JPH3: variants seen among roughly 807,000 people sequenced by gnomAD.
JPH3 encodes junctophilin 3, also known as junctophilin-3.
Under a neutral mutation model 59.6 loss-of-function variants are expected in JPH3, and 11 were observed. The ratio of observed to expected loss-of-function variants is 0.18; its 90% CI spans 0.12 to 0.31. The LOEUF (loss-of-function observed/expected upper bound fraction) is 0.31, where lower values mean the gene tolerates loss of function less well. Ranked by LOEUF, JPH3 falls within the 10% of genes least tolerant of loss-of-function variation. The pLI is 1.00. For synonymous variants in JPH3, 673 were observed against 483.6 expected (o/e 1.39, Z -5.14); for missense variants, 1,202 against 1,105.7 (o/e 1.09, Z -1.24).
At chr16:87,658,444 T>C (rs995161876) in intron 2 of JPH3, among the ~76,000 whole-genome samples, 3 of 151,314 alleles carry the variant, frequency 2.0e-5, no homozygotes, top group African/African-American at 7.3e-5. Context: ...CCCTATCTGC[T>C]TTGCTCTCTG....
At chr16:87,659,375 A>AAAAAAAAAAAAAAAAAAAC (rs2032622472) in intron 2 of JPH3, among the ~76,000 whole-genome samples, 1 of 42,936 alleles carries the variant, frequency 2.3e-5, no homozygotes, top group African/African-American at 1.2e-4. Context: ...AGACTGTCTC[A>AAAAAAAAAAAAAAAAAAAC]AAAAAAAAAA....
rs915728083 is a variant in JPH3 at position 87,645,150 on chromosome 16, A to G, written c.1160+115A>G. 1.4e-5 allele frequency: 15 copies of G among 1,076,592 alleles called. No homozygotes were observed. The South Asian group carries it at 2.1e-4, about 15-fold the overall frequency. 66.7% of individuals were successfully genotyped at this position (1,076,592 alleles called of 1,614,324 possible). A position where few individuals can be genotyped will look rare whatever the true frequency, so the allele number is the denominator to read the frequency against. ...TTGGGCTAGGCCCAGTTTGAGGCCT[A>G]CACTGGTGTTTCTCAAACTATGCCC... On this transcript the variant is annotated intron_variant, in intron 2 of 4. Coordinates refer to ENST00000284262, the MANE Select transcript of JPH3 (RefSeq NM_020655.4).
intron 1 of JPH3, among the ~76,000 whole-genome samples, chr16:87,641,578 T>A (rs988642042): frequency 1.3e-5 from 2 of 152,198 alleles, no homozygotes; most frequent in Non-Finnish European, 2.9e-5. Context: ...ACCCCCCTTC[T>A]CCAGCCCCAA....
At chr16:87,648,537 G>C (rs1025287152) in intron 2 of JPH3, among the ~76,000 whole-genome samples, 1 of 152,190 alleles carries the variant, frequency 6.6e-6, no homozygotes, top group African/African-American at 2.4e-5. Context: ...GCGGAGTGCC[G>C]GGCCCTTCCC....
intron 2 of JPH3, among the ~76,000 whole-genome samples, chr16:87,660,933 G>C (rs763148010): frequency 2.0e-5 from 3 of 152,222 alleles, no homozygotes; most frequent in African/African-American, 4.8e-5. Flanking sequence ...AATGGTACAG[G>C]CTGTGAGAAT....
intron 1 of JPH3, among the ~76,000 whole-genome samples, chr16:87,643,055 C>T (rs911841516): frequency 9.2e-5 from 14 of 152,142 alleles, no homozygotes; most frequent in Middle Eastern, 3.2e-3. Flanking sequence ...GACCCCACAA[C>T]CCTCCCCAGC....
chr16:87,657,200 A>AT lies in JPH3; in HGVS notation c.1160+12165_1160+12166insT, dbSNP rs199834285. Among the ~76,000 whole-genome samples, 963 of 152,266 alleles carry AT rather than the reference A, an allele frequency of 6.3e-3. 34 individuals carry two copies. The highest frequency in any genetic ancestry group is 0.046 in the Admixed American group (704 of 15,300). ...CTTCTCAAGCAACAGTAATAAATAA[A>AT]AAGGAGGAGGCCAAACTGACCAGAC... On this transcript the variant is annotated intron_variant, in intron 2 of 4. Coordinates refer to ENST00000284262, the MANE Select transcript of JPH3 (RefSeq NM_020655.4).
intron 4 of JPH3, chr16:87,694,288 G>A (rs1192634239): frequency 1.3e-5 from 2 of 152,334 alleles, no homozygotes; most frequent in African/African-American, 4.8e-5. Flanking sequence ...GCTCAAGCAG[G>A]CACCCAGGGA....
At chr16:87,613,950 G>T (rs1422648648) in intron 1 of JPH3, among the ~76,000 whole-genome samples, 2 of 152,182 alleles carry the variant, frequency 1.3e-5, no homozygotes, top group African/African-American at 4.8e-5. Context: ...TCTGGCCGCA[G>T]AATTGTTTCC....
chr16:87,630,450 C>G (rs2031529268), intron 1 of JPH3, among the ~76,000 whole-genome samples: 1 of 152,154 alleles, frequency 6.6e-6, no homozygotes, highest in African/African-American at 2.4e-5. Context: ...AGCCAGTCCT[C>G]CCTGGGGAGC....
chr16:87,636,796 A>G (rs2031764588), intron 1 of JPH3, among the ~76,000 whole-genome samples: 1 of 152,196 alleles, frequency 6.6e-6, no homozygotes, highest in African/African-American at 2.4e-5. Flanking sequence ...GCATGGCCAG[A>G]GCTCCGTCAG....
intron 1 of JPH3, among the ~76,000 whole-genome samples, chr16:87,639,850 T>G (rs1410871173): frequency 6.6e-6 from 1 of 152,236 alleles, no homozygotes; most frequent in African/African-American, 2.4e-5. Flanking sequence ...TTTCCTTCCT[T>G]TTTAAGGCTG....
intron 2 of JPH3, among the ~76,000 whole-genome samples, chr16:87,671,042 C>T (rs767508285): frequency 3.3e-5 from 5 of 152,176 alleles, no homozygotes; most frequent in Admixed American, 6.5e-5. Context: ...TACAGTCGCC[C>T]GGGACCCATG....
At chr16:87,671,050 A>C (rs909351998) in intron 2 of JPH3, among the ~76,000 whole-genome samples, 2 of 152,142 alleles carry the variant, frequency 1.3e-5, no homozygotes, top group Non-Finnish European at 2.9e-5. Context: ...CCCGGGACCC[A>C]TGCCCAGCAG....
intron 1 of JPH3, among the ~76,000 whole-genome samples, chr16:87,629,569 C>CAGCGGGATA (rs1277104284): frequency 1.3e-5 from 2 of 151,712 alleles, no homozygotes; most frequent in Non-Finnish European, 2.9e-5. Flanking sequence ...GCCTGGTGCT[C>CAGCGGGATA]AGCGGGATAA....
At chr16:87,656,275 C>T (rs980639713) in intron 2 of JPH3, among the ~76,000 whole-genome samples, 1 of 152,220 alleles carries the variant, frequency 6.6e-6, no homozygotes, top group African/African-American at 2.4e-5. Context: ...GGAGTCACTC[C>T]AGAAGCCGCA....
At chr16:87,635,894 C>T (rs922815132) in intron 1 of JPH3, among the ~76,000 whole-genome samples, 2 of 152,224 alleles carry the variant, frequency 1.3e-5, no homozygotes, top group Non-Finnish European at 2.9e-5. Flanking sequence ...GCCACACCCT[C>T]CTGAGAGGGT....
intron 2 of JPH3, among the ~76,000 whole-genome samples, chr16:87,681,929 G>C (rs2033305563): frequency 6.6e-6 from 1 of 152,152 alleles, no homozygotes; most frequent in African/African-American, 2.4e-5. Context: ...CGCATCTTTA[G>C]TTTTGGGGCA....
chr16:87,621,209 C>T (rs2150829022), intron 1 of JPH3, among the ~76,000 whole-genome samples: 1 of 152,356 alleles, frequency 6.6e-6, no homozygotes, highest in East Asian at 1.9e-4. Flanking sequence ...GGGTCAGCAG[C>T]TAACTTCTCG....
Sources: allele counts gnomAD v4.1 joint callset (sites outside exome capture counted in the v4.1 genomes callset), GRCh38; gene constraint gnomAD v4.1.1; transcripts MANE v1.5; gene names NCBI Gene and HGNC (gene_info 2026-07-23, HGNC 2026-07-21).